OGDH: variants seen among roughly 807,000 people sequenced by gnomAD.
OGDH encodes oxoglutarate dehydrogenase, also known as 2-oxoglutarate dehydrogenase complex component E1.
In OGDH, 38 loss-of-function variants were observed where a neutral mutation model predicts 116.6. The ratio of observed to expected loss-of-function variants is 0.33; its 90% CI spans 0.25 to 0.43. The LOEUF is 0.43. Among genes scored for constraint, OGDH ranks in the 20% least tolerant of loss-of-function variants. The pLI is 1.00. For missense variants in OGDH, 825 were observed against 1,357.2 expected (o/e 0.61, Z 6.16); for synonymous variants, 488 against 533.3 (o/e 0.92, Z 1.17).
chr7:44,708,047 T>C lies in OGDH; in HGVS notation c.*48T>C, dbSNP rs368748902. The C allele has an allele frequency of 5.3e-5, 84 of 1,586,520 alleles. No homozygotes were observed. Among genetic ancestry groups the C allele is most frequent in the Non-Finnish European group, 7.0e-5 (82 of 1,169,746 alleles). On this transcript the variant is annotated 3_prime_UTR_variant, in exon 23 of 23. Coordinates refer to ENST00000222673, the MANE Select transcript of OGDH (RefSeq NM_002541.4). ...CCACTGCCCTCTCCACACCCATGAC[T>C]GCCCCTTGCTTCTCAACTAAAGAAT...
intron 2 of OGDH, among the ~76,000 whole-genome samples, chr7:44,643,565 T>C (rs2300415): frequency 0.049 from 7,438 of 152,230 alleles, 417 homozygotes; most frequent in East Asian, 0.22. Flanking sequence ...GCAGTGCTCT[T>C]GGTAGTGGGA....
chr7:44,687,380 G>A (rs914770781), intron 10 of OGDH, among the ~76,000 whole-genome samples: 3 of 151,388 alleles, frequency 2.0e-5, no homozygotes, highest in Admixed American at 1.3e-4. Flanking sequence ...TTACAGGCAT[G>A]AGCCACCATG....
At chr7:44,684,652 G>A (rs1788058525) in intron 10 of OGDH, among the ~76,000 whole-genome samples, 1 of 152,130 alleles carries the variant, frequency 6.6e-6, no homozygotes, top group East Asian at 1.9e-4. Flanking sequence ...AGATTGAATA[G>A]CTTACTAGAG....
intron 1 of OGDH, among the ~76,000 whole-genome samples, chr7:44,614,569 A>G (rs990510757): frequency 4.0e-5 from 6 of 151,848 alleles, no homozygotes; most frequent in African/African-American, 1.5e-4. Flanking sequence ...CTCTGTCTTT[A>G]TTCTGCCCTT....
chr7:44,641,163 A>G (rs1221763292), intron 2 of OGDH, among the ~76,000 whole-genome samples: 1 of 146,744 alleles, frequency 6.8e-6, no homozygotes, highest in Admixed American at 6.8e-5. Flanking sequence ...AGCCTCCCAA[A>G]GTGCTGGGAT....
intron 2 of OGDH, among the ~76,000 whole-genome samples, chr7:44,633,373 G>A (rs1785529872): frequency 1.3e-5 from 2 of 152,096 alleles, no homozygotes; most frequent in Admixed American, 1.3e-4. Flanking sequence ...TGCCTTTGAG[G>A]AAATGAAAGA....
At chr7:44,638,402 T>A (rs2115683540) in intron 2 of OGDH, among the ~76,000 whole-genome samples, 1 of 152,328 alleles carries the variant, frequency 6.6e-6, no homozygotes, top group African/African-American at 2.4e-5. Flanking sequence ...AAAAACTGTT[T>A]CTATTATAGG....
intron 10 of OGDH, among the ~76,000 whole-genome samples, chr7:44,692,632 T>C (rs1452374413): frequency 1.3e-5 from 2 of 152,224 alleles, no homozygotes; most frequent in Admixed American, 1.3e-4. Context: ...TCATGCTTTG[T>C]GTTTGAAATA....
rs981018851 is a variant in OGDH, at chr7:44,674,001, G to A, written c.788+60G>A. 5.0e-6 allele frequency: 8 copies of A among 1,600,962 alleles called. No individual in the cohort carries two copies. In the African/African-American group the frequency reaches 5.4e-5, roughly 11 times the overall value. On this transcript the variant is annotated intron_variant, in intron 6 of 22. Coordinates refer to ENST00000222673, the MANE Select transcript of OGDH (RefSeq NM_002541.4). ...TCCCAGGGAAGCAGTGACCCTGTCT[G>A]TGTTGATCGGGCCTGTGTGCAGCCT...
intron 20 of OGDH, among the ~76,000 whole-genome samples, chr7:44,706,727 T>C (rs928869022): frequency 3.3e-5 from 5 of 149,874 alleles, no homozygotes; most frequent in Non-Finnish European, 5.9e-5. Context: ...CCCAACCGAT[T>C]CTTCCACCTC....
At chr7:44,608,792 G>A (rs1199978669) in intron 1 of OGDH, among the ~76,000 whole-genome samples, 1 of 151,804 alleles carries the variant, frequency 6.6e-6, no homozygotes, top group Non-Finnish European at 1.5e-5. Context: ...TGAGATCATT[G>A]TACAAATTAT....
At position 44,662,468 on chromosome 7, in the gene OGDH, T is replaced by TC. The variant is rs1366713455; in HGVS notation, c.518-4268_518-4267insC. Among the ~76,000 whole-genome samples the TC allele has an allele frequency of 4.0e-5, 6 of 149,638 alleles. No homozygotes were observed. The South Asian group carries it at 1.3e-3, about 31-fold the overall frequency. ...TTCTTTCTTTTCTTTTCTTTTCTTT[T>TC]TTTTTTTTTTTTGAGACAGAGTCTC... On this transcript the variant is annotated intron_variant, in intron 4 of 22. Coordinates refer to ENST00000222673, the MANE Select transcript of OGDH (RefSeq NM_002541.4).
At chr7:44,620,562 C>G (rs192008381) in intron 1 of OGDH, among the ~76,000 whole-genome samples, 1 of 152,096 alleles carries the variant, frequency 6.6e-6, no homozygotes, top group Non-Finnish European at 1.5e-5. Context: ...TCTAGTTGTC[C>G]CAGCACCTTC....
In OGDH at chr7:44,708,994, TA is replaced by T. The variant is rs3839752; in HGVS notation, c.*1009del. 14,353 of 144,962 alleles carry T rather than the reference TA, an allele frequency of 0.099. 859 individuals carry two copies. The highest frequency in any genetic ancestry group is 0.19 in the Middle Eastern group (53 of 272). 9.0% of individuals were successfully genotyped at this position (144,962 alleles called of 1,614,324 possible). A position where few individuals can be genotyped will look rare whatever the true frequency, so the allele number is the denominator to read the frequency against. ...ACAGATCTGATTTATTTATTTTGGTTAAAAAAAAAAAAAAGGAACAGAAACA... is the reference window on the plus strand; with the variant it reads ...ACAGATCTGATTTATTTATTTTGGTTAAAAAAAAAAAAAGGAACAGAAACA... On this transcript the variant is annotated 3_prime_UTR_variant, in exon 23 of 23. Transcript: ENST00000222673.
At chr7:44,630,573 T>C (rs1785395926) in intron 2 of OGDH, among the ~76,000 whole-genome samples, 1 of 152,230 alleles carries the variant, frequency 6.6e-6, no homozygotes, top group African/African-American at 2.4e-5. Context: ...CATTCCTTGG[T>C]ATCTGTGGGG....
At position 44,708,059 on chromosome 7, in the gene OGDH, C is replaced by T; in HGVS notation, c.*60C>T. The T allele has an allele frequency of 6.3e-7, 1 of 1,578,272 alleles. No homozygotes were observed. Among genetic ancestry groups the T allele is most frequent in the Non-Finnish European group, 8.6e-7 (1 of 1,166,180 alleles). On this transcript the variant is annotated 3_prime_UTR_variant, in exon 23 of 23. Transcript: ENST00000222673. Reference sequence around the variant, plus strand: ...CCACACCCATGACTGCCCCTTGCTTCTCAACTAAAGAATAGTGCCTCAGCG... The same window carrying T: ...CCACACCCATGACTGCCCCTTGCTTTTCAACTAAAGAATAGTGCCTCAGCG...
chr7:44,686,689 C>CTT (rs35917984), intron 10 of OGDH, among the ~76,000 whole-genome samples: 156 of 133,202 alleles, frequency 1.2e-3, no homozygotes, highest in African/African-American at 3.6e-3. Context: ...TTCTTTTTTT[C>CTT]TTTTTTTTTT....
At chr7:44,683,173 TAAA>T (rs936265172) in intron 10 of OGDH, among the ~76,000 whole-genome samples, 1 of 151,862 alleles carries the variant, frequency 6.6e-6, no homozygotes, top group African/African-American at 2.4e-5. Context: ...AATAAATAAA[TAAA>T]AAAGAAAAAA....
intron 2 of OGDH, among the ~76,000 whole-genome samples, chr7:44,633,317 T>G (rs1455448814): frequency 6.8e-6 from 1 of 146,410 alleles, no homozygotes; most frequent in Non-Finnish European, 1.5e-5. Flanking sequence ...AAGGAGCAAA[T>G]TGTTCCAGTG....
Sources: gnomAD v4.1 joint callset for allele counts (sites outside exome capture counted in the v4.1 genomes callset) on GRCh38, gnomAD v4.1.1 for gene constraint, MANE v1.5 for transcripts, NCBI Gene and HGNC (gene_info 2026-07-23, HGNC 2026-07-21) for gene names.